The following SPR variants were observed in gnomAD, a reference collection of about 807,000 sequenced individuals.
SPR encodes Sepiapterin reductase (L-erythro-7,8-dihydrobiopterin forming).
Under a neutral mutation model 16.0 loss-of-function variants are expected in SPR, and 12 were observed. The observed-to-expected ratio is 0.75, with a 90% CI of 0.48 to 1.22. SPR has a LOEUF of 1.22. SPR is among the 50% of genes most tolerant of loss of function. SPR has a pLI of 0.00. For missense variants in SPR, 324 were observed against 344.4 expected (o/e 0.94, Z 0.47); for synonymous variants, 177 against 168.5 (o/e 1.05, Z -0.39).
chr2:72,889,946 C>T (rs1670595214), intron 2 of SPR, among the ~76,000 whole-genome samples: 1 of 152,252 alleles, frequency 6.6e-6, no homozygotes, highest in South Asian at 2.1e-4. Flanking sequence ...GATAAATTCT[C>T]CCTCCAACCC....
At chr2:72,890,503 G>A (rs746238609) in intron 2 of SPR, among the ~76,000 whole-genome samples, 12 of 152,176 alleles carry the variant, frequency 7.9e-5, no homozygotes, top group Non-Finnish European at 4.4e-5. Context: ...CACCACACCC[G>A]GCTAATTTTT....
chr2:72,889,118 A>G (rs1325654336), intron 2 of SPR, among the ~76,000 whole-genome samples: 1 of 152,204 alleles, frequency 6.6e-6, no homozygotes, highest in Non-Finnish European at 1.5e-5. Context: ...GCAAAGCACT[A>G]CACTAAGGCA....
intron 2 of SPR, among the ~76,000 whole-genome samples, chr2:72,890,804 T>G (rs1208947440): frequency 1.3e-5 from 2 of 152,050 alleles, no homozygotes; most frequent in African/African-American, 4.8e-5. Context: ...CTGCCTCAGC[T>G]TCCCAAAGTG....
In SPR at chr2:72,887,600, C is replaced by T. The variant is rs1670559847; in HGVS notation, c.168C>T (p.Ala56=). The T allele has an allele frequency of 7.1e-7, 1 of 1,400,550 alleles. No individual in the cohort carries two copies. The highest frequency in any genetic ancestry group is 9.2e-7 in the Non-Finnish European group (1 of 1,087,266). 86.8% of individuals were successfully genotyped at this position (1,400,550 alleles called of 1,614,324 possible). A position where few individuals can be genotyped will look rare whatever the true frequency, so the allele number is the denominator to read the frequency against. The change falls in exon 1 of 3, where the codon GCC becomes GCT. Residue 56 remains alanine (A), a synonymous_variant. Coordinates refer to ENST00000234454, the MANE Select transcript of SPR (RefSeq NM_003124.5). ...GCCAGCTGGAGGCCGAGCTGGGCGC[C>T]GAGCGGTCTGGCCTGCGCGTGGTGC... The part of the protein sequence containing the change: ...ALRQLEAELG[A]ERSGLRVVRV...
At position 72,887,512 on chromosome 2, in the gene SPR, T is replaced by C. The variant is rs1559047972; in HGVS notation, c.80T>C (p.Leu27Pro). The change falls in exon 1 of 3, where the codon CTG becomes CCG. Residue 27 changes from leucine (L) to proline (P), a missense_variant. Leu to Pro is a moderately conservative substitution (Grantham distance 98). Transcript: ENST00000234454. ...TTCGGCCGGACGCTGGCCCCGCTCC[T>C]GGCCTCGCTGCTGTCGCCCGGCTCC... Reference protein sequence around the residue: ...RGFGRTLAPLLASLLSPGSVL... With the variant: ...RGFGRTLAPLPASLLSPGSVL... 6.7e-7 allele frequency: 1 copy of C among 1,489,936 alleles called. No individual in the cohort carries two copies. The allele number at this position is 1,489,936 out of a possible 1,614,324, so 92.3% of individuals were successfully genotyped here.
At position 72,887,445 on chromosome 2, in the gene SPR, C is replaced by G. The variant is rs1158483002; in HGVS notation, c.13C>G (p.Leu5Val). The change falls in exon 1 of 3, where the codon CTG (leucine) becomes GTG (valine). Residue 5 changes from leucine (L) to valine (V), a missense_variant. Transcript: ENST00000234454. MEGG[L>V]GRAVCLLTGA... ...GGAGAACAGGAGCATGGAGGGCGGGCTGGGGCGTGCTGTGTGCTTGCTGAC... is the reference window on the plus strand; with the variant it reads ...GGAGAACAGGAGCATGGAGGGCGGGGTGGGGCGTGCTGTGTGCTTGCTGAC... 2.7e-6 allele frequency: 4 copies of G among 1,501,270 alleles called. No homozygotes were observed. Among genetic ancestry groups the G allele is most frequent in the Non-Finnish European group, 3.5e-6 (4 of 1,131,188 alleles). 93.0% of individuals were successfully genotyped at this position (1,501,270 alleles called of 1,614,324 possible). A position where few individuals can be genotyped will look rare whatever the true frequency, so the allele number is the denominator to read the frequency against.
intron 1 of SPR, 104 bp from the exon 2 acceptor site, chr2:72,888,210 C>T: frequency 8.4e-7 from 1 of 1,196,638 alleles, no homozygotes. Flanking sequence ...GCAGCTTCCT[C>T]CTCTAGGTCT....
At position 72,891,363 on chromosome 2, in the gene SPR, C is replaced by T. The variant is rs1009327306; in HGVS notation, c.612C>T (p.Asp204=). 3 of 1,614,210 alleles carry T rather than the reference C, an allele frequency of 1.9e-6. No homozygotes were observed. The South Asian group carries it at 3.3e-5, about 18-fold the overall frequency. The change falls in exon 3 of 3, where the codon GAC becomes GAT. Residue 204 remains aspartate (D), a synonymous_variant. Transcript: ENST00000234454. ...ATCCTCTAGGTCCTCTGGACACAGACATGCAGCAGTTGGCCCGGGAGACCT... is the reference window on the plus strand; with the variant it reads ...ATCCTCTAGGTCCTCTGGACACAGATATGCAGCAGTTGGCCCGGGAGACCT... The part of the protein sequence containing the change: ...LNYAPGPLDT[D]MQQLARETSV...
chr2:72,887,813 C>A, intron 1 of SPR, 77 bp downstream of exon 1: 1 of 1,377,430 alleles, frequency 7.3e-7, no homozygotes. Flanking sequence ...AAGGGCTACT[C>A]CTAGGGGTCA....
chr2:72,888,495 A>C lies in SPR; in HGVS notation c.486A>C (p.Gln162His). ...VVNISSLCALQPFKGWALYCA... is the reference protein window; with the variant it reads ...VVNISSLCALHPFKGWALYCA... Reference sequence around the variant, plus strand: ...ACATCTCGTCCCTCTGTGCCCTGCAACCTTTCAAAGGCTGGGCGCTGTACT... The same window carrying C: ...ACATCTCGTCCCTCTGTGCCCTGCACCCTTTCAAAGGCTGGGCGCTGTACT... Residue 162 changes from glutamine to histidine, a missense_variant, in exon 2 of 3, where the codon CAA becomes CAC. By Grantham distance (24) the Gln-to-His change is conservative. Transcript: ENST00000234454. 3.1e-6 allele frequency: 5 copies of C among 1,613,712 alleles called. No individual in the cohort carries two copies. Among genetic ancestry groups the C allele is most frequent in the Non-Finnish European group, 4.2e-6 (5 of 1,179,834 alleles).
In SPR at chr2:72,891,611, A is replaced by C. The variant is rs1246291815; in HGVS notation, c.*74A>C. On this transcript the variant is annotated 3_prime_UTR_variant, in exon 3 of 3. Coordinates refer to ENST00000234454, the MANE Select transcript of SPR (RefSeq NM_003124.5). Reference sequence around the variant, plus strand: ...ACCCCAGAGCCCTGTGGCTCCCCACACCCTGCCATAGGGGCAGTCCTGCCT... The same window carrying C: ...ACCCCAGAGCCCTGTGGCTCCCCACCCCCTGCCATAGGGGCAGTCCTGCCT... 75 of 1,536,922 alleles carry C rather than the reference A, an allele frequency of 4.9e-5. No individual in the cohort carries two copies. The highest frequency in any genetic ancestry group is 4.6e-5 in the East Asian group (2 of 43,824).
chr2:72,889,769 G>C (rs1670592691), intron 2 of SPR, among the ~76,000 whole-genome samples: 1 of 152,310 alleles, frequency 6.6e-6, no homozygotes, highest in Admixed American at 6.5e-5. Context: ...AGATTTTCAG[G>C]AGGTCCCCAG....
rs1178282826 is a variant in SPR at position 72,887,551 on chromosome 2, G to A, written c.119G>A (p.Ser40Asn). 18 of 1,460,248 alleles carry A rather than the reference G, an allele frequency of 1.2e-5. No individual in the cohort carries two copies. The highest frequency in any genetic ancestry group is 3.0e-5 in the East Asian group (1 of 33,538). The allele number at this position is 1,460,248 out of a possible 1,614,324, so 90.5% of individuals were successfully genotyped here. A position where few individuals can be genotyped will look rare whatever the true frequency, so the allele number is the denominator to read the frequency against. ...TCGCCCGGCTCCGTGCTTGTCCTTAGCGCCCGCAACGACGAGGCACTGCGC... is the reference window on the plus strand; with the variant it reads ...TCGCCCGGCTCCGTGCTTGTCCTTAACGCCCGCAACGACGAGGCACTGCGC... Reference protein sequence around the residue: ...LLSPGSVLVLSARNDEALRQL... With the variant: ...LLSPGSVLVLNARNDEALRQL... Residue 40 changes from serine (S) to asparagine (N), a missense_variant, in exon 1 of 3, where the codon AGC becomes AAC. Coordinates refer to ENST00000234454, the MANE Select transcript of SPR (RefSeq NM_003124.5).
At position 72,887,419 on chromosome 2, in the gene SPR, C is replaced by T. The variant is rs1364554157; in HGVS notation, c.-14C>T. On this transcript the variant is annotated 5_prime_UTR_variant, in exon 1 of 3. Transcript: ENST00000234454. ...TGGTCTCGGGTGCCAGCGCCGCCGG[C>T]GGAGAACAGGAGCATGGAGGGCGGG... The T allele has an allele frequency of 1.7e-5, 25 of 1,469,250 alleles. No homozygotes were observed. Among genetic ancestry groups the T allele is most frequent in the Non-Finnish European group, 2.1e-5 (23 of 1,114,308 alleles). The allele number at this position is 1,469,250 out of a possible 1,614,324, so 91.0% of individuals were successfully genotyped here. A position where few individuals can be genotyped will look rare whatever the true frequency, so the allele number is the denominator to read the frequency against.
chr2:72,889,831 A>T (rs998088765), intron 2 of SPR, among the ~76,000 whole-genome samples: 1 of 152,194 alleles, frequency 6.6e-6, no homozygotes, highest in Non-Finnish European at 1.5e-5. Context: ...TCTCAGGAAG[A>T]ATGTTCTAAC....
In SPR at chr2:72,889,625, C is replaced by G. The variant is rs546451903; in HGVS notation, c.595+1021C>G. 5.9e-5 allele frequency among the ~76,000 whole-genome samples: 9 copies of G among 151,354 alleles called. No homozygotes were observed. In the South Asian group the frequency reaches 1.9e-3, roughly 32 times the overall value. ...ACCAACATTCAACTCATCATCCACTCTGAATTCAGCCCAAGGATTCGCACA... is the reference window on the plus strand; with the variant it reads ...ACCAACATTCAACTCATCATCCACTGTGAATTCAGCCCAAGGATTCGCACA... On this transcript the variant is annotated intron_variant, in intron 2 of 2. Coordinates refer to ENST00000234454, the MANE Select transcript of SPR (RefSeq NM_003124.5).
chr2:72,887,834 C>T, intron 1 of SPR, 98 bp downstream of exon 1: 3 of 1,256,654 alleles, frequency 2.4e-6, no homozygotes, highest in South Asian at 1.8e-5. Flanking sequence ...GATAGGACGC[C>T]TAGAAATCTA....
Position 72,887,622 on chromosome 2 carries a change from G to A in SPR, c.190G>A (p.Val64Met). 7.0e-7 allele frequency: 1 copy of A among 1,430,452 alleles called. No individual in the cohort carries two copies. The highest frequency in any genetic ancestry group is 2.9e-5 in the East Asian group (1 of 34,736). 88.6% of individuals were successfully genotyped at this position (1,430,452 alleles called of 1,614,324 possible). Residue 64 changes from valine (V) to methionine (M), a missense_variant, in exon 1 of 3, where the codon GTG becomes ATG. Coordinates refer to ENST00000234454, the MANE Select transcript of SPR (RefSeq NM_003124.5). ...LGAERSGLRV[V>M]RVPADLGAEA... ...CGCCGAGCGGTCTGGCCTGCGCGTG[G>A]TGCGGGTGCCCGCCGACCTGGGCGC... is the stretch of plus-strand genomic sequence containing the variant.
Position 72,887,443 on chromosome 2 carries a change from G to T in SPR, c.11G>T (p.Gly4Val), listed in dbSNP as rs770655581. 10 of 1,501,556 alleles carry T rather than the reference G, an allele frequency of 6.7e-6. No individual in the cohort carries two copies. Among genetic ancestry groups the T allele is most frequent in the Non-Finnish European group, 8.0e-6 (9 of 1,131,280 alleles). 93.0% of individuals were successfully genotyped at this position (1,501,556 alleles called of 1,614,324 possible). Residue 4 changes from glycine (G) to valine (V), a missense_variant, in exon 1 of 3, where the codon GGG becomes GTG. Physicochemically the swap from Gly to Val is moderately radical, Grantham distance 109. Transcript: ENST00000234454. MEG[G>V]LGRAVCLLTG... ...GCGGAGAACAGGAGCATGGAGGGCG[G>T]GCTGGGGCGTGCTGTGTGCTTGCTG... is the stretch of plus-strand genomic sequence containing the variant.
Sources: allele counts gnomAD v4.1 joint callset (sites outside exome capture counted in the v4.1 genomes callset), GRCh38; gene constraint gnomAD v4.1.1; transcripts MANE v1.5; gene names NCBI Gene and HGNC (gene_info 2026-07-23, HGNC 2026-07-21).